The following GPSM2 variants were observed in gnomAD, a reference collection of about 807,000 sequenced individuals.
GPSM2 encodes the protein G protein signaling modulator 2.
In GPSM2, 58 loss-of-function variants were observed where a neutral mutation model predicts 78.4. The ratio of observed to expected loss-of-function variants is 0.74; its 90% CI spans 0.60 to 0.92. The LOEUF (loss-of-function observed/expected upper bound fraction) is 0.92, where lower values mean the gene tolerates loss of function less well. Ranked by LOEUF, GPSM2 falls within the 40% of genes least tolerant of loss-of-function variation. The pLI is 0.00. For missense variants in GPSM2, 700 were observed against 815.5 expected (o/e 0.86, Z 1.73); for synonymous variants, 224 against 280.2 (o/e 0.80, Z 2.00).
chr1:108,887,907 T>G (rs1458049973), intron 2 of GPSM2, among the ~76,000 whole-genome samples: 1 of 152,218 alleles, frequency 6.6e-6, no homozygotes, highest in African/African-American at 2.4e-5. Context: ...TAATGACATC[T>G]CTAATGCAAT....
chr1:108,891,697 G>A, intron 2 of GPSM2, among the ~76,000 whole-genome samples: 1 of 145,368 alleles, frequency 6.9e-6, no homozygotes, highest in East Asian at 2.0e-4. Flanking sequence ...TGGAGATGGG[G>A]TTTTGCCATG....
In GPSM2 at chr1:108,896,882, A is replaced by G; in HGVS notation, c.75A>G (p.Leu25=). The G allele has an allele frequency of 6.2e-7, 1 of 1,613,330 alleles. No homozygotes were observed. Among genetic ancestry groups the G allele is most frequent in the Non-Finnish European group, 8.5e-7 (1 of 1,179,242 alleles). Residue 25 remains leucine (L), a synonymous_variant, in exon 3 of 15, where the codon CTA becomes CTG. Coordinates refer to ENST00000264126, the MANE Select transcript of GPSM2 (RefSeq NM_013296.5). ...HVRYRMEASC[L]ELALEGERLC... Reference sequence around the variant, plus strand: ...TTTGTAGAATGGAAGCTTCTTGCCTAGAGCTGGCCTTGGAAGGGGAACGTC... The same window carrying G: ...TTTGTAGAATGGAAGCTTCTTGCCTGGAGCTGGCCTTGGAAGGGGAACGTC...
chr1:108,932,874 T>C lies in GPSM2; in HGVS notation c.*2934T>C, dbSNP rs1177794154. The C allele has an allele frequency of 6.6e-6, 1 of 152,246 alleles. No homozygotes were observed. Among genetic ancestry groups the C allele is most frequent in the Admixed American group, 6.5e-5 (1 of 15,286 alleles). 9.4% of individuals were successfully genotyped at this position (152,246 alleles called of 1,614,324 possible). On this transcript the variant is annotated 3_prime_UTR_variant, in exon 15 of 15. Transcript: ENST00000264126. ...CGTTTCTGATGAAATTCTAAAGATG[T>C]TTGCAATATTAAACTAGAATATATT...
chr1:108,930,045 T>C lies in GPSM2; in HGVS notation c.*105T>C. 2.0e-6 allele frequency: 2 copies of C among 1,018,058 alleles called. No homozygotes were observed. The highest frequency in any genetic ancestry group is 3.0e-6 in the Non-Finnish European group (2 of 677,742). The allele number at this position is 1,018,058 out of a possible 1,614,324, so 63.1% of individuals were successfully genotyped here. On this transcript the variant is annotated 3_prime_UTR_variant, in exon 15 of 15. Coordinates refer to ENST00000264126, the MANE Select transcript of GPSM2 (RefSeq NM_013296.5). ...TAGCACTGTAATACAGCTTAAAATA[T>C]TTTTAGAATGATGTAAATAGTTAAC...
intron 9 of GPSM2, among the ~76,000 whole-genome samples, chr1:108,903,545 G>T (rs1332388224): frequency 6.6e-6 from 1 of 152,120 alleles, no homozygotes; most frequent in African/African-American, 2.4e-5. Context: ...GAAAAGCATG[G>T]TTCTTAGAAT....
At chr1:108,909,921 A>AG (rs1557870312) in intron 10 of GPSM2, 14 of 147,824 alleles carry the variant, frequency 9.5e-5, no homozygotes, top group African/African-American at 3.1e-4. Context: ...AAAAAAAAAA[A>AG]AAAAAAGGAA....
intron 1 of GPSM2, among the ~76,000 whole-genome samples, chr1:108,881,693 C>CTATATTATATTATAT (rs1470833154): frequency 3.9e-5 from 6 of 152,122 alleles, no homozygotes; most frequent in African/African-American, 9.7e-5. Context: ...AATAGTAAGA[C>CTATATTATATTATAT]TATATTATAA....
At chr1:108,916,014 G>A (rs191147804) in intron 11 of GPSM2, among the ~76,000 whole-genome samples, 1 of 151,330 alleles carries the variant, frequency 6.6e-6, no homozygotes, top group Admixed American at 6.6e-5. Context: ...GGCTGAGGCA[G>A]GCAGATCACT....
chr1:108,905,190 C>T (rs1476460661), intron 10 of GPSM2, among the ~76,000 whole-genome samples: 1 of 152,184 alleles, frequency 6.6e-6, no homozygotes. Context: ...TGGGCTAAGA[C>T]GTTTTTCTGT....
intron 12 of GPSM2, among the ~76,000 whole-genome samples, chr1:108,920,498 T>C (rs565202427): frequency 1.4e-4 from 22 of 152,150 alleles, no homozygotes; most frequent in Non-Finnish European, 2.2e-4. Context: ...AAATCCATTT[T>C]TCCAGCAATG....
intron 1 of GPSM2, among the ~76,000 whole-genome samples, chr1:108,880,650 A>G (rs953676338): frequency 6.6e-6 from 1 of 152,144 alleles, no homozygotes; most frequent in African/African-American, 2.4e-5. Context: ...CTTTAAAATT[A>G]TGTATATGTA....
chr1:108,889,843 G>A (rs990954359), intron 2 of GPSM2, among the ~76,000 whole-genome samples: 1 of 152,106 alleles, frequency 6.6e-6, no homozygotes, highest in Non-Finnish European at 1.5e-5. Flanking sequence ...CGGCCAAGCT[G>A]AACATAGAAC....
Position 108,924,130 on chromosome 1 carries a change from C to T in GPSM2, c.1731C>T (p.Asn577=). ...TGCCAGGGCTTCGTCTAACACAAAA[C>T]AGCCAGTCGGTACTTAGCCACCTGA... ...SNLPGLRLTQ[N]SQSVLSHLMT... Residue 577 remains asparagine (N), a synonymous_variant, in exon 14 of 15, where the codon AAC becomes AAT. Coordinates refer to ENST00000264126, the MANE Select transcript of GPSM2 (RefSeq NM_013296.5). 1 of 1,613,810 alleles carries T rather than the reference C, an allele frequency of 6.2e-7. No individual in the cohort carries two copies. The highest frequency in any genetic ancestry group is 8.5e-7 in the Non-Finnish European group (1 of 1,179,716).
At chr1:108,929,667 A>T (rs1557884123) in intron 14 of GPSM2, 34 bp from the exon 15 acceptor site, 2 of 1,605,736 alleles carry the variant, frequency 1.2e-6, no homozygotes, top group South Asian at 2.2e-5. Context: ...TCTTTCCCAC[A>T]GTATGTCTTT....
At chr1:108,898,282 C>G (rs566744086) in intron 5 of GPSM2, among the ~76,000 whole-genome samples, 181 bp downstream of exon 5, 7 of 152,314 alleles carry the variant, frequency 4.6e-5, no homozygotes, top group African/African-American at 1.7e-4. Flanking sequence ...CTGCAGCTTT[C>G]ATTTAAGTTG....
intron 1 of GPSM2, among the ~76,000 whole-genome samples, chr1:108,883,709 A>AT (rs1557853511): frequency 2.6e-5 from 4 of 152,124 alleles, no homozygotes; most frequent in African/African-American, 9.7e-5. Context: ...GTATGGATTC[A>AT]TTTTTATTTA....
intron 14 of GPSM2, among the ~76,000 whole-genome samples, chr1:108,928,029 A>G (rs1651268102): frequency 6.6e-6 from 1 of 152,226 alleles, no homozygotes; most frequent in Non-Finnish European, 1.5e-5. Flanking sequence ...TATAAAACCA[A>G]AAGAGTGAGC....
chr1:108,929,610 C>A, intron 14 of GPSM2, 91 bp from the exon 15 acceptor site: 2 of 1,190,884 alleles, frequency 1.7e-6, no homozygotes, highest in Non-Finnish European at 2.5e-6. Flanking sequence ...AAGTTTACAA[C>A]TGCGTTTTCT....
In GPSM2 at chr1:108,922,082, G is replaced by A. The variant is rs540428598; in HGVS notation, c.1441-335G>A. Among the ~76,000 whole-genome samples the A allele has an allele frequency of 5.9e-5, 9 of 152,194 alleles. No homozygotes were observed. The South Asian group carries it at 8.3e-4, about 14-fold the overall frequency. Reference sequence around the variant, plus strand: ...TCTTAGCTCTTACAAAGAGATAAGTGTACCTAAATTCCACTGCAGAATGTT... The same window carrying A: ...TCTTAGCTCTTACAAAGAGATAAGTATACCTAAATTCCACTGCAGAATGTT... On this transcript the variant is annotated intron_variant, in intron 12 of 14. Transcript: ENST00000264126.
Sources: allele counts gnomAD v4.1 joint callset (sites outside exome capture counted in the v4.1 genomes callset), GRCh38; gene constraint gnomAD v4.1.1; transcripts MANE v1.5; gene names NCBI Gene and HGNC (gene_info 2026-07-23, HGNC 2026-07-21).